Variants in SPRR2B observed in about 807,000 individuals in gnomAD.
SPRR2B encodes small proline-rich protein 2B.
A neutral mutation model predicts 1.0 loss-of-function variants in SPRR2B; 1 was observed. That is an observed-to-expected ratio of 1.01 (90% CI 0.36 to 4.77). SPRR2B has a LOEUF of 4.77. SPRR2B is among the 30% of genes most tolerant of loss of function. SPRR2B has a pLI of 0.16. For missense variants in SPRR2B, 53 were observed against 88.7 expected (o/e 0.60, Z 1.62); for synonymous variants, 27 against 33.4 (o/e 0.81, Z 0.66).
upstream of SPRR2B, among the ~76,000 whole-genome samples, chr1:153,072,220 T>C (rs1210767759): frequency 6.6e-6 from 1 of 152,200 alleles, no homozygotes; most frequent in Non-Finnish European, 1.5e-5. Context: ...ATTTTACCTA[T>C]ATTCCTTTTC....
At chr1:153,087,413 G>A in the SPRR2B span, among the ~76,000 whole-genome samples, 5 of 152,140 alleles carry the variant, frequency 3.3e-5, no homozygotes, top group Admixed American at 3.3e-4. Flanking sequence ...GAGGCATACT[G>A]AAGGACATTG....
At chr1:153,084,135 G>A in the SPRR2B span, among the ~76,000 whole-genome samples, 1 of 152,256 alleles carries the variant, frequency 6.6e-6, no homozygotes, top group Non-Finnish European at 1.5e-5. Context: ...CTCCAGCGAG[G>A]CAGCTGCCCG....
At chr1:153,081,726 C>T in the SPRR2B span, among the ~76,000 whole-genome samples, 1 of 152,036 alleles carries the variant, frequency 6.6e-6, no homozygotes. Context: ...AATTACAAAT[C>T]TGTGTTGGCA....
chr1:153,086,248 C>G, the SPRR2B span, among the ~76,000 whole-genome samples: 1 of 152,058 alleles, frequency 6.6e-6, no homozygotes, highest in Admixed American at 6.5e-5. Context: ...GAAAAAAGAA[C>G]AAAGACCCAT....
At chr1:153,081,851 C>T in the SPRR2B span, among the ~76,000 whole-genome samples, 196 of 143,412 alleles carry the variant, frequency 1.4e-3, 6 homozygotes, top group East Asian at 0.04. Context: ...TTGACACAGA[C>T]TCACTCCATC....
At chr1:153,083,157 A>C in the SPRR2B span, among the ~76,000 whole-genome samples, 1 of 152,204 alleles carries the variant, frequency 6.6e-6, no homozygotes, top group Non-Finnish European at 1.5e-5. Flanking sequence ...AGAAATAGAT[A>C]ATTTGAATAG....
the SPRR2B span, among the ~76,000 whole-genome samples, chr1:153,080,527 G>C: frequency 1.5e-4 from 23 of 151,900 alleles, no homozygotes; most frequent in Non-Finnish European, 2.4e-4. Flanking sequence ...AATTAAAATG[G>C]GAAATTTTAC....
the SPRR2B span, among the ~76,000 whole-genome samples, chr1:153,079,507 T>G: frequency 2.0e-5 from 3 of 152,220 alleles, no homozygotes; most frequent in Admixed American, 6.5e-5. Context: ...GGTCTAACAT[T>G]TAAGTCTTTA....
At chr1:153,087,261 C>A in the SPRR2B span, among the ~76,000 whole-genome samples, 2 of 151,674 alleles carry the variant, frequency 1.3e-5, no homozygotes, top group Admixed American at 6.6e-5. Flanking sequence ...GCCTGGGCAA[C>A]AGAGAGTGAC....
the SPRR2B span, among the ~76,000 whole-genome samples, chr1:153,083,371 C>A: frequency 2.0e-5 from 3 of 152,056 alleles, no homozygotes; most frequent in Admixed American, 6.6e-5. Context: ...AAAGACAATA[C>A]AACTAATGAA....
the SPRR2B span, among the ~76,000 whole-genome samples, chr1:153,080,277 G>C: frequency 6.6e-6 from 1 of 152,044 alleles, no homozygotes; most frequent in Non-Finnish European, 1.5e-5. Flanking sequence ...AATAATAAAA[G>C]TTTGAAAAAA....
the SPRR2B span, among the ~76,000 whole-genome samples, chr1:153,077,318 T>C: frequency 6.6e-6 from 1 of 152,206 alleles, no homozygotes; most frequent in Non-Finnish European, 1.5e-5. Context: ...CATTTCATTG[T>C]CTGTAGATTT....
chr1:153,078,948 A>G, the SPRR2B span, among the ~76,000 whole-genome samples: 1 of 152,096 alleles, frequency 6.6e-6, no homozygotes, highest in Non-Finnish European at 1.5e-5. Flanking sequence ...ACTGAATTCC[A>G]CAATCGTTGA....
Position 153,070,669 on chromosome 1 carries a change from C to T in SPRR2B, c.171G>A (p.Val57=), listed in dbSNP as rs775655232. Residue 57 remains valine, a synonymous_variant, in exon 2 of 2, where the codon GTG becomes GTA. Transcript: ENST00000368755. ...TTGGCTGGCAGGGTGGGGAAGGTGTCACAGGAGGATATTTCTGCTGGCACT... is the reference window on the plus strand; with the variant it reads ...TTGGCTGGCAGGGTGGGGAAGGTGTTACAGGAGGATATTTCTGCTGGCACT... ...PQQCQQKYPP[V]TPSPPCQPKY... is the part of the protein sequence containing the mutation. The T allele has an allele frequency of 2.0e-5, 33 of 1,611,894 alleles. No individual in the cohort carries two copies. Among genetic ancestry groups the T allele is most frequent in the African/African-American group, 4.0e-5 (3 of 74,746 alleles).
the SPRR2B span, among the ~76,000 whole-genome samples, chr1:153,086,229 T>G: frequency 4.6e-5 from 7 of 151,896 alleles, no homozygotes; most frequent in African/African-American, 1.7e-4. Context: ...AAACGCAGAG[T>G]GGCAAACTGA....
chr1:153,071,400 T>C (rs1654663097), intron 1 of SPRR2B, among the ~76,000 whole-genome samples, 169 bp downstream of exon 1: 1 of 142,874 alleles, frequency 7.0e-6, no homozygotes, highest in South Asian at 2.1e-4. Context: ...ACTGTATATA[T>C]TTTTTAAAGC....
chr1:153,075,545 A>G (rs1199328141), upstream of SPRR2B, among the ~76,000 whole-genome samples: 1 of 152,164 alleles, frequency 6.6e-6, no homozygotes, highest in East Asian at 1.9e-4. Context: ...AAGATAATAG[A>G]ACAAAGTGAT....
the SPRR2B span, among the ~76,000 whole-genome samples, chr1:153,078,290 A>AGT: frequency 1.3e-5 from 2 of 152,216 alleles, no homozygotes; most frequent in Admixed American, 1.3e-4. Context: ...ATCAGACATA[A>AGT]TTAACTTTAA....
At position 153,070,289 on chromosome 1, in the gene SPRR2B, C is replaced by T. The variant is rs1654624230; in HGVS notation, c.*332G>A. 5 of 472,764 alleles carry T rather than the reference C, an allele frequency of 1.1e-5. No individual in the cohort carries two copies. The highest frequency in any genetic ancestry group is 1.8e-5 in the Non-Finnish European group (5 of 270,948). The allele number at this position is 472,764 out of a possible 1,614,324, so 29.3% of individuals were successfully genotyped here. On this transcript the variant is annotated 3_prime_UTR_variant, in exon 2 of 2. Coordinates refer to ENST00000368755, the MANE Select transcript of SPRR2B (RefSeq NM_001388198.1). Reference sequence around the variant, plus strand: ...GTGACAATTGCACAGGTGGTAGAAGCTCATGCCCAGGTGAAAGACAGACAC... The same window carrying T: ...GTGACAATTGCACAGGTGGTAGAAGTTCATGCCCAGGTGAAAGACAGACAC...
Sources: gnomAD v4.1 joint callset for allele counts (sites outside exome capture counted in the v4.1 genomes callset) on GRCh38, gnomAD v4.1.1 for gene constraint, MANE v1.5 for transcripts, NCBI Gene and HGNC (gene_info 2026-07-23, HGNC 2026-07-21) for gene names.